LMX1A: variants seen among roughly 807,000 people sequenced by gnomAD.
LMX1A encodes LIM homeobox transcription factor 1-alpha.
LMX1A carries 15 observed loss-of-function variants against 49.1 expected under a neutral mutation model. That is an observed-to-expected ratio of 0.31 (90% CI 0.20 to 0.47). The LOEUF (loss-of-function observed/expected upper bound fraction) is 0.47. Ranked by LOEUF, LMX1A falls within the 20% of genes least tolerant of loss-of-function variation. LMX1A has a pLI of 1.00. For synonymous variants in LMX1A, 167 were observed against 185.7 expected (o/e 0.90, Z 0.82); for missense variants, 372 against 475.8 (o/e 0.78, Z 2.03).
intron 3 of LMX1A, among the ~76,000 whole-genome samples, chr1:165,333,919 T>C (rs1041790538): frequency 6.6e-6 from 1 of 152,226 alleles, no homozygotes; most frequent in Non-Finnish European, 1.5e-5. Context: ...CACAGCTGTA[T>C]GGCTTTCTAC....
chr1:165,318,648 C>T (rs541467147), intron 3 of LMX1A, among the ~76,000 whole-genome samples: 1 of 152,212 alleles, frequency 6.6e-6, no homozygotes, highest in South Asian at 2.1e-4. Context: ...TCCAAGACTG[C>T]TTTTTAAAGG....
At chr1:165,243,608 T>C (rs569147460) in intron 4 of LMX1A, among the ~76,000 whole-genome samples, 1 of 152,270 alleles carries the variant, frequency 6.6e-6, no homozygotes, top group South Asian at 2.1e-4. Context: ...ACTTAGAAAA[T>C]ATCTTACATC....
intron 3 of LMX1A, among the ~76,000 whole-genome samples, chr1:165,329,159 G>A (rs1473204675): frequency 6.6e-6 from 1 of 152,184 alleles, no homozygotes; most frequent in Non-Finnish European, 1.5e-5. Flanking sequence ...TGGCAGGTGA[G>A]AGAAAGAGAG....
chr1:165,210,731 C>T lies in LMX1A; in HGVS notation c.715G>A (p.Val239Ile), dbSNP rs764888037. 1.3e-5 allele frequency: 21 copies of T among 1,613,866 alleles called. No individual in the cohort carries two copies. The highest frequency in any genetic ancestry group is 1.4e-5 in the Non-Finnish European group (17 of 1,179,936). The change falls in exon 6 of 9, where the codon GTC (valine) becomes ATC (isoleucine). Residue 239 changes from valine (V) to isoleucine (I), a missense_variant. Physicochemically the swap from Val to Ile is conservative, Grantham distance 29. Transcript: ENST00000342310. ...CTCTGGTTTTGGAACCACACCTGGA[C>T]GACACGGACACTCAGCCCTGTCTCT... ...AAETGLSVRV[V>I]QVWFQNQRAK...
intron 4 of LMX1A, among the ~76,000 whole-genome samples, chr1:165,214,842 C>A (rs528557879): frequency 1.3e-5 from 2 of 152,290 alleles, no homozygotes; most frequent in Non-Finnish European, 2.9e-5. Context: ...TGAAATACTT[C>A]AACTCTATAA....
intron 3 of LMX1A, among the ~76,000 whole-genome samples, chr1:165,325,143 A>C (rs1333667662): frequency 6.6e-6 from 1 of 152,154 alleles, no homozygotes. Flanking sequence ...CTAGATTCTT[A>C]ATCACAACAT....
intron 3 of LMX1A, among the ~76,000 whole-genome samples, chr1:165,321,029 G>T (rs887157946): frequency 1.3e-5 from 2 of 152,074 alleles, no homozygotes; most frequent in African/African-American, 4.8e-5. Context: ...ACAAAATGTG[G>T]TACATCCATA....
At chr1:165,258,690 G>A (rs1653330024) in intron 3 of LMX1A, among the ~76,000 whole-genome samples, 1 of 152,160 alleles carries the variant, frequency 6.6e-6, no homozygotes. Flanking sequence ...GCAGGGTAAT[G>A]CACATGGTTT....
At chr1:165,209,031 G>T (rs1651243177) in intron 6 of LMX1A, among the ~76,000 whole-genome samples, 2 of 152,214 alleles carry the variant, frequency 1.3e-5, no homozygotes, top group African/African-American at 4.8e-5. Flanking sequence ...CATATACTTT[G>T]AGTGTGTGTA....
In LMX1A at chr1:165,353,361, T is replaced by A. The variant is rs188682769; in HGVS notation, c.77-99A>T. The A allele has an allele frequency of 2.2e-3, 2,033 of 941,856 alleles. 5 individuals carry two copies. The highest frequency in any genetic ancestry group is 4.3e-3 in the Middle Eastern group (14 of 3,228). 58.3% of individuals were successfully genotyped at this position (941,856 alleles called of 1,614,324 possible). ...TCCTGATCCCTTCACATCCACGGATTCCCCCAGCGCCCCCCACCCCAGGGA... is the reference window on the plus strand; with the variant it reads ...TCCTGATCCCTTCACATCCACGGATACCCCCAGCGCCCCCCACCCCAGGGA... On this transcript the variant is annotated intron_variant, in intron 2 of 8. Transcript: ENST00000342310.
chr1:165,331,566 A>G (rs895954631), intron 3 of LMX1A, among the ~76,000 whole-genome samples: 30 of 152,228 alleles, frequency 2.0e-4, no homozygotes, highest in Admixed American at 6.5e-5. Flanking sequence ...CAGATTGGAA[A>G]TGACAAAAAA....
intron 4 of LMX1A, among the ~76,000 whole-genome samples, chr1:165,231,001 T>C (rs906363412): frequency 3.3e-5 from 5 of 152,250 alleles, no homozygotes; most frequent in Non-Finnish European, 7.3e-5. Context: ...ACTCTGAATA[T>C]TTGTTAATAA....
In LMX1A at chr1:165,273,203, T is replaced by C. The variant is rs191978056; in HGVS notation, c.264-23563A>G. Among the ~76,000 whole-genome samples the C allele has an allele frequency of 9.9e-4, 150 of 152,274 alleles. 1 individual carries two copies. Among genetic ancestry groups the C allele is most frequent in the African/African-American group, 3.4e-3 (143 of 41,548 alleles). On this transcript the variant is annotated intron_variant, in intron 3 of 8. Transcript: ENST00000342310. ...CAGAGAACTCTTTCTGAGCAACCAC[T>C]TGGAGAAGGAATATCTGATGCCAGC...
In LMX1A at chr1:165,355,850, AC is replaced by A. The variant is rs1656592004; in HGVS notation, c.-22-270del. 1 of 449,516 alleles carries A rather than the reference AC, an allele frequency of 2.2e-6. No homozygotes were observed. The highest frequency in any genetic ancestry group is 4.0e-6 in the Non-Finnish European group (1 of 250,510). 27.8% of individuals were successfully genotyped at this position (449,516 alleles called of 1,614,324 possible). ...CGTTTCTCCTTCTCCTGCCCCCCTCACCCCCACCTACATCCCTTGCCCCAGG... is the reference window on the plus strand; with the variant it reads ...CGTTTCTCCTTCTCCTGCCCCCCTCACCCCACCTACATCCCTTGCCCCAGG... On this transcript the variant is annotated intron_variant, in intron 1 of 8. Transcript: ENST00000342310. This position sits in a 1 kb window ranked among gnomAD's most constrained non-coding sequence, Gnocchi z 4.7.
At chr1:165,313,719 C>T (rs1655141881) in intron 3 of LMX1A, among the ~76,000 whole-genome samples, 1 of 152,080 alleles carries the variant, frequency 6.6e-6, no homozygotes, top group Non-Finnish European at 1.5e-5. Context: ...AGCTCTTCTG[C>T]CAGTGCCTCT....
chr1:165,266,566 T>A (rs1185292534), intron 3 of LMX1A, among the ~76,000 whole-genome samples: 4 of 150,976 alleles, frequency 2.6e-5, no homozygotes, highest in African/African-American at 9.7e-5. Flanking sequence ...ACATGCTGGA[T>A]GAACTAATTT....
At chr1:165,286,311 G>A (rs1571202293) in intron 3 of LMX1A, among the ~76,000 whole-genome samples, 1 of 152,200 alleles carries the variant, frequency 6.6e-6, no homozygotes, top group Non-Finnish European at 1.5e-5. Context: ...CTCTGGATCT[G>A]TGCAGGAAGT....
intron 3 of LMX1A, among the ~76,000 whole-genome samples, chr1:165,299,769 C>CT (rs1491533895): frequency 6.6e-5 from 2 of 30,172 alleles, no homozygotes; most frequent in Non-Finnish European, 1.4e-4. Flanking sequence ...AAGAAACACA[C>CT]TAAAAAAAAA....
intron 3 of LMX1A, among the ~76,000 whole-genome samples, chr1:165,268,913 C>G (rs1457558538): frequency 6.6e-6 from 1 of 152,220 alleles, no homozygotes; most frequent in Non-Finnish European, 1.5e-5. Context: ...TAAAAATCCT[C>G]AAAAGCAGAG....
Sources: allele counts gnomAD v4.1 joint callset (sites outside exome capture counted in the v4.1 genomes callset), GRCh38; gene constraint gnomAD v4.1.1; non-coding constraint Gnocchi (gnomAD v3.1); transcripts MANE v1.5; gene names NCBI Gene and HGNC (gene_info 2026-07-23, HGNC 2026-07-21).